PRRX1: variants seen among roughly 807,000 people sequenced by gnomAD.
PRRX1 encodes paired mesoderm homeobox protein 1.
In PRRX1, 8 loss-of-function variants were observed where a neutral mutation model predicts 24.0. The observed-to-expected ratio is 0.33, with a 90% confidence interval of 0.20 to 0.60. The LOEUF is 0.60. Among genes scored for constraint, PRRX1 ranks in the 20% least tolerant of loss-of-function variants. PRRX1 has a pLI of 0.82. For missense variants in PRRX1, 281 were observed against 322.4 expected (o/e 0.87, Z 0.98); for synonymous variants, 160 against 131.7 (o/e 1.22, Z -1.47).
intron 1 of PRRX1, among the ~76,000 whole-genome samples, chr1:170,689,826 CT>C (rs1653870773): frequency 1.3e-5 from 1 of 79,708 alleles, no homozygotes; most frequent in Non-Finnish European, 2.5e-5. Context: ...CTCTCTCTCT[CT>C]CTCTCTCTCT....
chr1:170,715,732 A>C (rs971239212), intron 1 of PRRX1, among the ~76,000 whole-genome samples: 1 of 152,240 alleles, frequency 6.6e-6, no homozygotes, highest in Non-Finnish European at 1.5e-5. Flanking sequence ...CATCTGGATC[A>C]AAATGGCTTT....
chr1:170,697,383 T>G (rs1654205207), intron 1 of PRRX1, among the ~76,000 whole-genome samples: 1 of 152,152 alleles, frequency 6.6e-6, no homozygotes, highest in African/African-American at 2.4e-5. Context: ...AGTGTGATAT[T>G]TTTGTTTTGA....
intron 3 of PRRX1, chr1:170,728,480 G>T (rs978175344): frequency 6.6e-6 from 1 of 152,072 alleles, no homozygotes. Context: ...TGTAGCTTTA[G>T]TGTATATATT....
At chr1:170,714,929 G>A (rs770649236) in intron 1 of PRRX1, among the ~76,000 whole-genome samples, 15 of 151,936 alleles carry the variant, frequency 9.9e-5, no homozygotes, top group Non-Finnish European at 1.6e-4. Flanking sequence ...TTCTTCATAT[G>A]TATTCTAACA....
At chr1:170,682,789 G>A (rs898104308) in intron 1 of PRRX1, among the ~76,000 whole-genome samples, 2 of 152,168 alleles carry the variant, frequency 1.3e-5, no homozygotes, top group South Asian at 4.1e-4. Flanking sequence ...ACCTAGATAA[G>A]TAATTCAATT....
At chr1:170,691,733 C>T (rs1653987756) in intron 1 of PRRX1, among the ~76,000 whole-genome samples, 1 of 151,708 alleles carries the variant, frequency 6.6e-6, no homozygotes, top group Non-Finnish European at 1.5e-5. Context: ...GCTTTCTCTT[C>T]TACTCTTATG....
chr1:170,686,562 T>G, intron 1 of PRRX1, among the ~76,000 whole-genome samples: 1 of 152,154 alleles, frequency 6.6e-6, no homozygotes, highest in African/African-American at 2.4e-5. Context: ...GGTAGCTGTT[T>G]GATGAGAACA....
intron 1 of PRRX1, among the ~76,000 whole-genome samples, chr1:170,692,047 G>T (rs1206497578): frequency 3.3e-5 from 5 of 152,132 alleles, no homozygotes; most frequent in Admixed American, 6.6e-5. Context: ...GGTCATATAT[G>T]GGTCTAGAAT....
intron 1 of PRRX1, among the ~76,000 whole-genome samples, chr1:170,679,480 A>G (rs925181636): frequency 6.6e-6 from 1 of 152,074 alleles, no homozygotes; most frequent in Non-Finnish European, 1.5e-5. Context: ...GCTCACTGCA[A>G]GCTCCACCTC....
chr1:170,682,428 C>T (rs1653581826), intron 1 of PRRX1, among the ~76,000 whole-genome samples: 1 of 151,252 alleles, frequency 6.6e-6, no homozygotes, highest in Non-Finnish European at 1.5e-5. Flanking sequence ...ACACATAGAA[C>T]AGTAGCTGAA....
intron 1 of PRRX1, among the ~76,000 whole-genome samples, chr1:170,716,228 A>G (rs1442031712): frequency 6.6e-6 from 1 of 152,200 alleles, no homozygotes; most frequent in Non-Finnish European, 1.5e-5. Context: ...TTACTCAATC[A>G]TCAAAAAAAT....
chr1:170,726,462 G>T, intron 3 of PRRX1, 61 bp downstream of exon 3: 2 of 1,562,422 alleles, frequency 1.3e-6, no homozygotes, highest in Non-Finnish European at 1.8e-6. Context: ...GGTCGGTCAT[G>T]TTTCAAGCTG....
intron 3 of PRRX1, among the ~76,000 whole-genome samples, chr1:170,731,176 A>G (rs1349411173): frequency 6.6e-6 from 1 of 152,236 alleles, no homozygotes; most frequent in Admixed American, 6.5e-5. Context: ...AAATTTCCCT[A>G]GGAAAACTGG....
intron 1 of PRRX1, among the ~76,000 whole-genome samples, chr1:170,706,497 T>C (rs1654571907): frequency 6.6e-6 from 1 of 152,176 alleles, no homozygotes; most frequent in South Asian, 2.1e-4. Flanking sequence ...CAAGATCACA[T>C]GACTTTTTTG....
chr1:170,730,557 G>A (rs1655403941), intron 3 of PRRX1: 2 of 547,436 alleles, frequency 3.7e-6, no homozygotes, highest in Non-Finnish European at 6.6e-6. Context: ...GCTCTTCAGA[G>A]ATTGCTGTGC....
intron 3 of PRRX1, chr1:170,728,653 CT>C (rs1199759750): frequency 1.3e-5 from 2 of 152,160 alleles, no homozygotes; most frequent in South Asian, 2.1e-4. Context: ...ATAAATTAAT[CT>C]TCAGATATAA....
chr1:170,735,435 G>A (rs1655571668), intron 3 of PRRX1, among the ~76,000 whole-genome samples: 1 of 152,126 alleles, frequency 6.6e-6, no homozygotes, highest in South Asian at 2.1e-4. Context: ...TAAAATCAAG[G>A]CCAGTGGCTT....
At chr1:170,721,969 G>A (rs1358412123) in intron 2 of PRRX1, among the ~76,000 whole-genome samples, 16 of 149,966 alleles carry the variant, frequency 1.1e-4, no homozygotes, top group Non-Finnish European at 2.1e-4. Context: ...GGCAATGGTG[G>A]ACATTTCAAA....
Position 170,664,151 on chromosome 1 carries a change from C to A in PRRX1, c.-68C>A. On this transcript the variant is annotated 5_prime_UTR_variant, in exon 1 of 4. Transcript: ENST00000239461. The stretch of plus-strand genomic sequence containing the variant: ...TCCCCACTCGGCTCCTCTCCCCCCT[C>A]GCGCCCACAGCGTTTGGTGTTGATT... 6.6e-7 allele frequency: 1 copy of A among 1,514,558 alleles called. No homozygotes were observed. Among genetic ancestry groups the A allele is most frequent in the South Asian group, 1.3e-5 (1 of 77,520 alleles). 93.8% of individuals were successfully genotyped at this position (1,514,558 alleles called of 1,614,324 possible). A position where few individuals can be genotyped will look rare whatever the true frequency, so the allele number is the denominator to read the frequency against.
Sources: allele counts gnomAD v4.1 joint callset (sites outside exome capture counted in the v4.1 genomes callset), GRCh38; gene constraint gnomAD v4.1.1; transcripts MANE v1.5; gene names NCBI Gene and HGNC (gene_info 2026-07-23, HGNC 2026-07-21).